WNK2: variants seen among roughly 807,000 people sequenced by gnomAD.
WNK2 encodes the protein WNK lysine deficient protein kinase 2, also known as serine/threonine-protein kinase WNK2.
In WNK2, 67 loss-of-function variants were observed where a neutral mutation model predicts 192.1. The ratio of observed to expected loss-of-function variants is 0.35; its 90% confidence interval spans 0.29 to 0.43. WNK2 has a LOEUF of 0.43. WNK2 is among the 20% of genes least tolerant of loss of function. WNK2 has a pLI of 1.00. For missense variants in WNK2, 2,698 were observed against 3,089.7 expected (o/e 0.87, Z 3.01); for synonymous variants, 1,439 against 1,393.9 (o/e 1.03, Z -0.72).
At chr9:93,308,268 C>T in intron 27 of WNK2, 60 bp from the exon 28 acceptor site, 1 of 1,515,410 alleles carries the variant, frequency 6.6e-7, no homozygotes, top group Non-Finnish European at 8.9e-7. Context: ...GCGGCCAGCC[C>T]ACTGGGGGCC....
chr9:93,206,634 G>A (rs1269177857), intron 2 of WNK2, among the ~76,000 whole-genome samples: 5 of 152,184 alleles, frequency 3.3e-5, no homozygotes, highest in Admixed American at 1.3e-4. Flanking sequence ...AGCCAGCACC[G>A]GGCAGACGTG....
chr9:93,296,652 T>A (rs1163451051), intron 23 of WNK2, among the ~76,000 whole-genome samples: 1 of 50,042 alleles, frequency 2.0e-5, no homozygotes. Context: ...TCCCCTCACC[T>A]TTCTCCCCTG....
In WNK2 at chr9:93,298,100, C is replaced by T. The variant is rs143060316; in HGVS notation, c.5923+33C>T. 1.8e-4 allele frequency: 283 copies of T among 1,544,442 alleles called. 1 individual carries two copies. In the East Asian group the frequency reaches 5.8e-3, roughly 32 times the overall value. On this transcript the variant is annotated intron_variant, in intron 24 of 29. Transcript: ENST00000427277. ...TCCGGGTGCAGGGCTGGGATGGGAG[C>T]GGGGCTGGGGACCCCCGAGTGAGCC...
intron 8 of WNK2, among the ~76,000 whole-genome samples, chr9:93,248,170 A>G (rs1842054492): frequency 6.6e-6 from 1 of 152,230 alleles, no homozygotes. Context: ...AGCAGACCCA[A>G]GCACTGGGAT....
Position 93,292,647 on chromosome 9 carries a change from T to A in WNK2, c.5182T>A (p.Ser1728Thr), listed in dbSNP as rs1282106752. 2.5e-6 allele frequency: 4 copies of A among 1,579,500 alleles called. No individual in the cohort carries two copies. Among genetic ancestry groups the A allele is most frequent in the Non-Finnish European group, 3.4e-6 (4 of 1,164,164 alleles). ...PQTLGARALGSPRKRPEQQDV... is the reference protein window; with the variant it reads ...PQTLGARALGTPRKRPEQQDV... ...GACACTCGGCGCTCGAGCTTTGGGGTCCCCTCGGAAACGTCCAGAGCAGCA... is the reference window on the plus strand; with the variant it reads ...GACACTCGGCGCTCGAGCTTTGGGGACCCCTCGGAAACGTCCAGAGCAGCA... Residue 1728 changes from serine (S) to threonine (T), a missense_variant, in exon 23 of 30, where the codon TCC (serine) becomes ACC (threonine). Physicochemically the swap from Ser to Thr is moderately conservative, Grantham distance 58. Coordinates refer to ENST00000427277, the MANE Select transcript of WNK2 (RefSeq NM_006648.4).
At chr9:93,293,853 T>C (rs989870257) in intron 23 of WNK2, among the ~76,000 whole-genome samples, 2 of 151,872 alleles carry the variant, frequency 1.3e-5, no homozygotes, top group African/African-American at 4.8e-5. Flanking sequence ...TCCCCTTTCA[T>C]TCCTTCTCTC....
intron 19 of WNK2, among the ~76,000 whole-genome samples, chr9:93,272,065 CAAAT>C (rs1846074252): frequency 6.6e-6 from 1 of 152,234 alleles, no homozygotes; most frequent in Admixed American, 6.5e-5. Context: ...AGGCCATTCT[CAAAT>C]AAAGAAAACT....
chr9:93,198,087 C>G (rs1035417876), intron 2 of WNK2, among the ~76,000 whole-genome samples: 1 of 152,152 alleles, frequency 6.6e-6, no homozygotes, highest in Non-Finnish European at 1.5e-5. Context: ...CAGGAAAATA[C>G]AAGATGTTGT....
intron 19 of WNK2, among the ~76,000 whole-genome samples, chr9:93,284,949 C>T (rs961457122): frequency 1.3e-5 from 2 of 152,160 alleles, no homozygotes; most frequent in African/African-American, 4.8e-5. Flanking sequence ...ATCAACCACT[C>T]TGTAAATGGA....
chr9:93,229,552 G>T lies in WNK2; in HGVS notation c.682-144G>T. ...GTCAGCAGTTGTGGTGCCAGTGTCT[G>T]CATGCCCTTCTATCATAGCCGCTTA... On this transcript the variant is annotated intron_variant, in intron 2 of 29. Transcript: ENST00000427277. This position sits in a 1 kb window ranked among gnomAD's most constrained non-coding sequence, Gnocchi z 4.9. 1 of 887,126 alleles carries T rather than the reference G, an allele frequency of 1.1e-6. No homozygotes were observed. The highest frequency in any genetic ancestry group is 1.7e-5 in the South Asian group (1 of 57,606). The allele number at this position is 887,126 out of a possible 1,614,324, so 55.0% of individuals were successfully genotyped here. A position where few individuals can be genotyped will look rare whatever the true frequency, so the allele number is the denominator to read the frequency against.
At chr9:93,202,484 G>T (rs1196082691) in intron 2 of WNK2, among the ~76,000 whole-genome samples, 1 of 152,178 alleles carries the variant, frequency 6.6e-6, no homozygotes, top group African/African-American at 2.4e-5. Context: ...TGGGCGGTCA[G>T]CCCGGCCCTA....
chr9:93,307,090 A>C, intron 27 of WNK2: 1 of 530,498 alleles, frequency 1.9e-6, no homozygotes, highest in Admixed American at 3.4e-5. Context: ...GAACACCCGC[A>C]AATTGCCGAT....
intron 23 of WNK2, among the ~76,000 whole-genome samples, chr9:93,295,709 G>A (rs1343236974): frequency 2.7e-5 from 4 of 146,518 alleles, no homozygotes; most frequent in Non-Finnish European, 4.5e-5. Context: ...CCATCCTCCC[G>A]TCACCATCCT....
chr9:93,259,422 G>A lies in WNK2; in HGVS notation c.2874G>A (p.Pro958=), dbSNP rs373635754. 111 of 1,404,348 alleles carry A rather than the reference G, an allele frequency of 7.9e-5. No individual in the cohort carries two copies. The highest frequency in any genetic ancestry group is 9.6e-5 in the African/African-American group (4 of 41,726). 87.0% of individuals were successfully genotyped at this position (1,404,348 alleles called of 1,614,324 possible). ...TGCCCCCACAACCCGTGCTGCCCCC[G>A]CAACCCACGCTGCCCCCTCAACCTG... The part of the protein sequence containing the change: ...PTLPPQPVLP[P]QPTLPPQPVL... Residue 958 remains proline, a synonymous_variant, in exon 12 of 30, where the codon CCG becomes CCA. Transcript: ENST00000427277. The surrounding 1 kb of genome is among the most constrained non-coding windows in gnomAD (Gnocchi z 4.8).
intron 19 of WNK2, among the ~76,000 whole-genome samples, chr9:93,277,370 G>T (rs930488637): frequency 6.6e-6 from 1 of 152,016 alleles, no homozygotes; most frequent in Non-Finnish European, 1.5e-5. Context: ...TTTTACCCTA[G>T]AAAAATGAAA....
chr9:93,268,153 T>TG, intron 18 of WNK2, 88 bp downstream of exon 18: 1 of 1,520,106 alleles, frequency 6.6e-7, no homozygotes. Context: ...GGCCATTGCT[T>TG]GGGGGGATTA....
At chr9:93,308,655 C>T (rs1368965447) in intron 28 of WNK2, 71 bp downstream of exon 28, 1 of 1,460,402 alleles carries the variant, frequency 6.8e-7, no homozygotes, top group African/African-American at 1.4e-5. Context: ...TGCTAGTGCC[C>T]TGTGTGGCAG....
At chr9:93,293,203 C>T in intron 23 of WNK2, 30 bp downstream of exon 23, 1 of 1,422,390 alleles carries the variant, frequency 7.0e-7, no homozygotes, top group Non-Finnish European at 9.1e-7. Context: ...AGTGTTGCCC[C>T]CGCCCCTGGG....
chr9:93,246,220 G>A (rs150714118), intron 7 of WNK2, among the ~76,000 whole-genome samples: 188 of 152,228 alleles, frequency 1.2e-3, no homozygotes, highest in Non-Finnish European at 2.4e-3. Flanking sequence ...ACTGGCTCCC[G>A]TGCCGTTTTG....
Sources: allele counts gnomAD v4.1 joint callset (sites outside exome capture counted in the v4.1 genomes callset), GRCh38; gene constraint gnomAD v4.1.1; non-coding constraint Gnocchi (gnomAD v3.1); transcripts MANE v1.5; gene names NCBI Gene and HGNC (gene_info 2026-07-23, HGNC 2026-07-21).